Variants in BICRAL observed in about 807,000 individuals in gnomAD.
BICRAL encodes the protein BRD4-interacting chromatin-remodeling complex-associated protein-like.
In BICRAL, 8 loss-of-function variants were observed where a neutral mutation model predicts 91.8. The observed-to-expected ratio is 0.09, with a 90% CI of 0.05 to 0.16. The LOEUF (loss-of-function observed/expected upper bound fraction) is 0.16, where lower values mean the gene tolerates loss of function less well. BICRAL is among the 10% of genes least tolerant of loss of function. BICRAL has a pLI of 1.00. For synonymous variants in BICRAL, 445 were observed against 491.1 expected, an observed-to-expected ratio of 0.91 and a Z score of 1.24; for missense variants, 1,038 against 1,310.9, an observed-to-expected ratio of 0.79 and a Z score of 3.21.
At chr6:42,840,031 C>A (rs4714631) in intron 6 of BICRAL, among the ~76,000 whole-genome samples, 9 of 152,232 alleles carry the variant, frequency 5.9e-5, no homozygotes, top group Admixed American at 5.9e-4. Context: ...TTAAAATAAT[C>A]TATCAAACAA....
intron 1 of BICRAL, among the ~76,000 whole-genome samples, chr6:42,770,563 T>G (rs1035701089): frequency 6.6e-6 from 1 of 151,592 alleles, no homozygotes; most frequent in Non-Finnish European, 1.5e-5. Context: ...TACAGGCACC[T>G]GCCACCATAC....
intron 6 of BICRAL, among the ~76,000 whole-genome samples, chr6:42,841,614 A>AG (rs1764802120): frequency 1.3e-5 from 2 of 152,282 alleles, no homozygotes; most frequent in African/African-American, 4.8e-5. Flanking sequence ...GGACTTAAAA[A>AG]TCTAGATGTT....
chr6:42,747,319 T>G (rs1231924690), intron 1 of BICRAL, among the ~76,000 whole-genome samples: 1 of 152,168 alleles, frequency 6.6e-6, no homozygotes, highest in African/African-American at 2.4e-5. Context: ...TCTTTAACCC[T>G]GCCCGCCCTT....
At chr6:42,822,204 G>T in intron 3 of BICRAL, 141 bp downstream of exon 3, 1 of 556,398 alleles carries the variant, frequency 1.8e-6, no homozygotes, top group South Asian at 2.7e-5. Flanking sequence ...GAGAAACAGA[G>T]ACATGATTAA....
chr6:42,827,439 C>T (rs1307104236), intron 5 of BICRAL, among the ~76,000 whole-genome samples: 1 of 152,222 alleles, frequency 6.6e-6, no homozygotes, highest in Non-Finnish European at 1.5e-5. Context: ...AAAGTAGATA[C>T]TTGGCCTATC....
At chr6:42,810,202 T>C (rs1763814899) in intron 1 of BICRAL, 104 bp from the exon 2 acceptor site, 2 of 152,226 alleles carry the variant, frequency 1.3e-5, no homozygotes, top group African/African-American at 4.8e-5. Flanking sequence ...AAATCCTTGG[T>C]TGAATAATAA....
chr6:42,857,635 ATT>A (rs1491473524), intron 10 of BICRAL, among the ~76,000 whole-genome samples: 6,300 of 125,292 alleles, frequency 0.05, 997 homozygotes, highest in African/African-American at 0.2. Flanking sequence ...ATATATATAT[ATT>A]TTTTAGGAGG....
Position 42,857,614 on chromosome 6 carries a change from A to AAAAAAAAAAATAT in BICRAL, c.2254+379_2254+380insAAAAAAAAATATA. Among the ~76,000 whole-genome samples the AAAAAAAAAAATAT allele has an allele frequency of 7.0e-3, 673 of 96,022 alleles. 5 individuals are homozygous for AAAAAAAAAAATAT. The highest frequency in any genetic ancestry group is 0.014 in the South Asian group (42 of 3,004). The allele number at this position is 96,022 out of a possible 152,430, so 63.0% of individuals were successfully genotyped here. A position where few individuals can be genotyped will look rare whatever the true frequency, so the allele number is the denominator to read the frequency against. ...ACACTGTCTCTTAAAAAAAAAAAAA[A>AAAAAAAAAAATAT]ATATATATATATATATATATATTTT... is the stretch of plus-strand genomic sequence containing the variant. On this transcript the variant is annotated intron_variant, in intron 10 of 12. Transcript: ENST00000314073.
intron 1 of BICRAL, among the ~76,000 whole-genome samples, chr6:42,803,929 AAC>A (rs1421023414): frequency 6.6e-6 from 1 of 152,246 alleles, no homozygotes; most frequent in East Asian, 1.9e-4. Flanking sequence ...AGGCAACCAT[AAC>A]ACAATGGTAA....
At chr6:42,821,711 A>AT (rs1486312758) in intron 2 of BICRAL, among the ~76,000 whole-genome samples, 1 of 152,160 alleles carries the variant, frequency 6.6e-6, no homozygotes, top group East Asian at 1.9e-4. Context: ...GTTACTGTTC[A>AT]TGGTTTATAG....
At chr6:42,782,304 A>G (rs1266412252) in intron 1 of BICRAL, among the ~76,000 whole-genome samples, 3 of 123,390 alleles carry the variant, frequency 2.4e-5, no homozygotes, top group East Asian at 5.6e-4. Flanking sequence ...GTTTCAGCCC[A>G]GAGAGCTATT....
At chr6:42,761,270 C>T (rs1242863462) in intron 1 of BICRAL, among the ~76,000 whole-genome samples, 4 of 151,784 alleles carry the variant, frequency 2.6e-5, no homozygotes, top group Admixed American at 6.6e-5. Flanking sequence ...GCCTGGCCAA[C>T]GTGGTGAAAC....
chr6:42,813,084 C>T (rs1412105173), intron 2 of BICRAL, among the ~76,000 whole-genome samples: 2 of 152,148 alleles, frequency 1.3e-5, no homozygotes, highest in African/African-American at 2.4e-5. Flanking sequence ...AAAGAAAATA[C>T]AGCATCATTG....
chr6:42,766,053 C>T (rs1345604651), intron 1 of BICRAL, among the ~76,000 whole-genome samples: 1 of 151,936 alleles, frequency 6.6e-6, no homozygotes, highest in Admixed American at 6.6e-5. Context: ...AGGATTTTGC[C>T]CAGGCTGGTC....
At chr6:42,787,824 T>G (rs1459960184) in intron 1 of BICRAL, among the ~76,000 whole-genome samples, 1 of 151,796 alleles carries the variant, frequency 6.6e-6, no homozygotes, top group Non-Finnish European at 1.5e-5. Context: ...GAAATTTTGC[T>G]GCTGTAAAGT....
chr6:42,807,381 C>T (rs1023572839), intron 1 of BICRAL, among the ~76,000 whole-genome samples: 1 of 151,064 alleles, frequency 6.6e-6, no homozygotes, highest in African/African-American at 2.4e-5. Flanking sequence ...GATGGGGTTT[C>T]ACCATGTTAG....
intron 10 of BICRAL, among the ~76,000 whole-genome samples, chr6:42,857,841 G>A (rs1184951160): frequency 1.7e-5 from 2 of 115,506 alleles, no homozygotes; most frequent in South Asian, 2.7e-4. Context: ...ATGGAGTCTC[G>A]CTCTGTCACC....
intron 1 of BICRAL, among the ~76,000 whole-genome samples, chr6:42,768,424 T>C (rs967593104): frequency 1.3e-5 from 2 of 152,212 alleles, no homozygotes; most frequent in Non-Finnish European, 2.9e-5. Context: ...TGGTGGGTTG[T>C]TGTTCTCTCT....
chr6:42,767,100 C>G (rs1762648084), intron 1 of BICRAL, among the ~76,000 whole-genome samples: 2 of 151,034 alleles, frequency 1.3e-5, no homozygotes, highest in East Asian at 3.9e-4. Flanking sequence ...TGTAGTGAGC[C>G]AAGATTGTGC....
Sources: gnomAD v4.1 joint callset for allele counts (sites outside exome capture counted in the v4.1 genomes callset) on GRCh38, gnomAD v4.1.1 for gene constraint, MANE v1.5 for transcripts, NCBI Gene and HGNC (gene_info 2026-07-23, HGNC 2026-07-21) for gene names.